Variants in LTBP1 observed in about 807,000 individuals in gnomAD.
The protein encoded by LTBP1 is latent-transforming growth factor beta-binding protein 1.
Under a neutral mutation model 207.6 loss-of-function variants are expected in LTBP1, and 129 were observed. That is an observed-to-expected ratio of 0.62 (90% confidence interval 0.54 to 0.72). LTBP1 has a LOEUF of 0.72. Among genes scored for constraint, LTBP1 ranks in the 30% least tolerant of loss-of-function variants. The probability of loss-of-function intolerance (pLI) is 0.00; values close to 1 mark genes in which losing one functional copy is unlikely to be tolerated. For synonymous variants in LTBP1, 963 were observed against 833.7 expected, an observed-to-expected ratio of 1.16 and a Z score of -2.67; for missense variants, 2,281 against 2,217.2, an observed-to-expected ratio of 1.03 and a Z score of -0.58.
At chr2:33,198,683 C>T (rs899897484) in intron 7 of LTBP1, among the ~76,000 whole-genome samples, 56 of 152,256 alleles carry the variant, frequency 3.7e-4, no homozygotes, top group Admixed American at 3.0e-3. Flanking sequence ...AGTGTATTAG[C>T]GTAGAGGTGT....
chr2:33,391,254 C>G (rs57781552), intron 32 of LTBP1, among the ~76,000 whole-genome samples: 1 of 125,036 alleles, frequency 8.0e-6, no homozygotes. Flanking sequence ...TTTCCCACCC[C>G]CCTCCCTAGG....
chr2:33,358,399 ATG>A (rs961727179), intron 26 of LTBP1, among the ~76,000 whole-genome samples: 1 of 151,786 alleles, frequency 6.6e-6, no homozygotes, highest in African/African-American at 2.4e-5. Context: ...GTCTATATAT[ATG>A]TGTGTGTGTT....
intron 31 of LTBP1, among the ~76,000 whole-genome samples, chr2:33,366,842 C>G (rs1326364606): frequency 1.3e-5 from 2 of 152,334 alleles, no homozygotes; most frequent in Middle Eastern, 3.4e-3. Flanking sequence ...AATGTGAGTT[C>G]AGTGAGGCTT....
At chr2:33,229,374 T>A (rs1212475932) in intron 9 of LTBP1, among the ~76,000 whole-genome samples, 1 of 152,038 alleles carries the variant, frequency 6.6e-6, no homozygotes, top group East Asian at 1.9e-4. Flanking sequence ...ACTGAGAAGC[T>A]GAGGCAGAAG....
chr2:33,060,578 G>A (rs564813878), intron 3 of LTBP1, among the ~76,000 whole-genome samples: 7 of 151,438 alleles, frequency 4.6e-5, no homozygotes, highest in Non-Finnish European at 5.9e-5. Context: ...ATATATGTGG[G>A]TAGGTGAGAT....
chr2:33,181,530 C>A lies in LTBP1; in HGVS notation c.1202-5326C>A, dbSNP rs142848299. 2.0e-5 allele frequency among the ~76,000 whole-genome samples: 3 copies of A among 152,140 alleles called. No individual in the cohort carries two copies. In the East Asian group the frequency reaches 5.8e-4, roughly 29 times the overall value. On this transcript the variant is annotated intron_variant, in intron 5 of 33. Coordinates refer to ENST00000404816, the MANE Select transcript of LTBP1 (RefSeq NM_206943.4). ...TGTACCGTGAGATACTTTGAGTGACCGTCACAAAATTACACTTTCTGGAGT... is the reference window on the plus strand; with the variant it reads ...TGTACCGTGAGATACTTTGAGTGACAGTCACAAAATTACACTTTCTGGAGT...
chr2:32,995,255 C>T (rs895430887), intron 2 of LTBP1, among the ~76,000 whole-genome samples: 3 of 152,036 alleles, frequency 2.0e-5, no homozygotes, highest in East Asian at 1.9e-4. Flanking sequence ...GCTCCACAGC[C>T]GGTGGAGATG....
At chr2:33,239,732 A>G (rs1295971199) in intron 9 of LTBP1, among the ~76,000 whole-genome samples, 1 of 120,474 alleles carries the variant, frequency 8.3e-6, no homozygotes, top group Non-Finnish European at 1.9e-5. Context: ...GTCTCTACTA[A>G]AAATACAAAA....
rs770794391 is a variant in LTBP1, at chr2:33,180,158, ACT to A, written c.1202-6695_1202-6694del. On this transcript the variant is annotated intron_variant, in intron 5 of 33. Transcript: ENST00000404816. The stretch of plus-strand genomic sequence containing the variant: ...GGACAGGTTGTTCTGGATCACCCTA[ACT>A]CTGGTTTTTTGATGGAGTCCGAGTC... 8.5e-4 allele frequency among the ~76,000 whole-genome samples: 130 copies of A among 152,260 alleles called. 1 individual carries two copies. The highest frequency in any genetic ancestry group is 1.6e-3 in the Non-Finnish European group (110 of 68,024).
chr2:33,220,306 T>C (rs2091017561), intron 8 of LTBP1, among the ~76,000 whole-genome samples: 1 of 151,352 alleles, frequency 6.6e-6, no homozygotes, highest in African/African-American at 2.4e-5. Context: ...TTCCTTGGCT[T>C]TCTACGCTAT....
intron 22 of LTBP1, among the ~76,000 whole-genome samples, chr2:33,306,397 C>G (rs1301398217): frequency 6.6e-6 from 1 of 151,776 alleles, no homozygotes; most frequent in African/African-American, 2.4e-5. Context: ...TGGTAAAACC[C>G]CATCTCTACT....
chr2:33,075,343 G>T (rs2078025187), intron 3 of LTBP1, among the ~76,000 whole-genome samples: 1 of 152,024 alleles, frequency 6.6e-6, no homozygotes, highest in Non-Finnish European at 1.5e-5. Flanking sequence ...AATATTTTTT[G>T]GGGGGCAACA....
At chr2:33,233,431 G>A (rs1266318030) in intron 9 of LTBP1, among the ~76,000 whole-genome samples, 1 of 151,990 alleles carries the variant, frequency 6.6e-6, no homozygotes, top group African/African-American at 2.4e-5. Flanking sequence ...AACTGGTTAA[G>A]GTATGCTAAA....
chr2:33,326,640 A>AATTAATTAATTAATTTATTTATTT (rs1553502915), intron 24 of LTBP1, among the ~76,000 whole-genome samples: 1 of 144,590 alleles, frequency 6.9e-6, no homozygotes, highest in African/African-American at 2.6e-5. Flanking sequence ...TGAGGGATAT[A>AATTAATTAATTAATTTATTTATTT]ATTTATTTAT....
chr2:33,303,956 C>T (rs1000964224), intron 22 of LTBP1, among the ~76,000 whole-genome samples: 6 of 152,190 alleles, frequency 3.9e-5, no homozygotes, highest in Non-Finnish European at 8.8e-5. Flanking sequence ...AGGAACTGCA[C>T]CATTGATTAA....
rs142904661 is a variant in LTBP1, at chr2:33,105,066, T to C, written c.864-5516T>C. Among the ~76,000 whole-genome samples, 1,210 of 152,282 alleles carry C rather than the reference T, an allele frequency of 7.9e-3. 11 individuals carry two copies. Among genetic ancestry groups the C allele is most frequent in the Middle Eastern group, 0.01 (3 of 294 alleles). On this transcript the variant is annotated intron_variant, in intron 3 of 33. Transcript: ENST00000404816. ...TGGCCCCTTCTCGATTTATTCACTTTAGATGTTTTCTAAAATGTCTTGCTC... is the reference window on the plus strand; with the variant it reads ...TGGCCCCTTCTCGATTTATTCACTTCAGATGTTTTCTAAAATGTCTTGCTC...
In LTBP1 at chr2:33,379,266, G is replaced by T. The variant is rs1386769791; in HGVS notation, c.4712-9918G>T. Among the ~76,000 whole-genome samples the T allele has an allele frequency of 6.9e-5, 10 of 145,426 alleles. 1 individual carries two copies. The highest frequency in any genetic ancestry group is 2.6e-4 in the African/African-American group (10 of 39,192). ...ATTCTGTTGCCCAGGCTGGAGTGCA[G>T]TGGTGCAATCTTGGCTCACTGCAAG... On this transcript the variant is annotated intron_variant, in intron 31 of 33. Transcript: ENST00000404816.
intron 5 of LTBP1, among the ~76,000 whole-genome samples, chr2:33,168,410 A>G (rs909458258): frequency 7.9e-5 from 12 of 151,632 alleles, no homozygotes; most frequent in African/African-American, 9.7e-5. Context: ...AAAAAAAAAA[A>G]AAAAAAGAAA....
intron 26 of LTBP1, among the ~76,000 whole-genome samples, chr2:33,353,432 C>G (rs2094810198): frequency 1.3e-5 from 2 of 152,182 alleles, no homozygotes; most frequent in South Asian, 4.1e-4. Context: ...CTAACAGTCT[C>G]TGCGTCTTAT....
Sources: allele counts gnomAD v4.1 joint callset (sites outside exome capture counted in the v4.1 genomes callset), GRCh38; gene constraint gnomAD v4.1.1; transcripts MANE v1.5; gene names NCBI Gene and HGNC (gene_info 2026-07-23, HGNC 2026-07-21).